Variants in RHPN2 observed in about 807,000 individuals in gnomAD.
The protein encoded by RHPN2 is rhophilin-2.
RHPN2 carries 40 observed loss-of-function variants against 79.0 expected under a neutral mutation model. The ratio of observed to expected loss-of-function variants is 0.51; its 90% CI spans 0.39 to 0.66. RHPN2 has a LOEUF of 0.66. Among genes scored for constraint, RHPN2 ranks in the 30% least tolerant of loss-of-function variants. The pLI, the probability that RHPN2 is intolerant of heterozygous loss-of-function variation, is 0.00. For synonymous variants in RHPN2, 285 were observed against 363.5 expected, an observed-to-expected ratio of 0.78 and a Z score of 2.46; for missense variants, 686 against 883.5, an observed-to-expected ratio of 0.78 and a Z score of 2.83.
intron 3 of RHPN2, among the ~76,000 whole-genome samples, chr19:33,023,876 C>T (rs558528345): frequency 1.2e-4 from 18 of 152,260 alleles, no homozygotes; most frequent in Admixed American, 2.6e-4. Flanking sequence ...TCCCTCTTCC[C>T]AATGACACAG....
intron 3 of RHPN2, among the ~76,000 whole-genome samples, chr19:33,023,784 C>CT (rs1971944383): frequency 9.0e-6 from 1 of 110,578 alleles, no homozygotes; most frequent in African/African-American, 3.1e-5. Context: ...GACTCCATCT[C>CT]AAAAAAAAAA....
Position 33,008,056 on chromosome 19 carries a change from C to T in RHPN2, c.718G>A (p.Ala240Thr). ...IGTRCDRQTQ[A>T]GLESAIDAFQ... ...GCATCTATGGCACTCTCCAGCCCAG[C>T]CTGCGTCTGCCGATCACACCGGGTC... Residue 240 changes from alanine to threonine, a missense_variant, in exon 7 of 15, where the codon GCT becomes ACT. Physicochemically the swap from Ala to Thr is moderately conservative, Grantham distance 58. Transcript: ENST00000254260. The T allele has an allele frequency of 6.2e-7, 1 of 1,613,262 alleles. No individual in the cohort carries two copies. The highest frequency in any genetic ancestry group is 8.5e-7 in the Non-Finnish European group (1 of 1,179,978).
chr19:33,064,808 C>T lies in RHPN2; in HGVS notation c.45G>A (p.Lys15=), dbSNP rs1227520515. 7 of 1,425,576 alleles carry T rather than the reference C, an allele frequency of 4.9e-6. No individual in the cohort carries two copies. The highest frequency in any genetic ancestry group is 6.5e-6 in the Non-Finnish European group (7 of 1,081,748). The allele number at this position is 1,425,576 out of a possible 1,614,324, so 88.3% of individuals were successfully genotyped here. A position where few individuals can be genotyped will look rare whatever the true frequency, so the allele number is the denominator to read the frequency against. The change falls in exon 1 of 15, where the codon AAG becomes AAA. Residue 15 remains lysine, a synonymous_variant. Transcript: ENST00000254260. ...CCTTCCGAAAGTAGCCGTCGTTCTC[C>T]TTCTCCAGCGGCTGGGGGGCCGCGG... ...LLPAAPQPLE[K]ENDGYFRKGC... is the part of the protein sequence containing the mutation.
chr19:33,034,419 C>T (rs1972038279), intron 2 of RHPN2, among the ~76,000 whole-genome samples: 1 of 151,924 alleles, frequency 6.6e-6, no homozygotes, highest in African/African-American at 2.4e-5. Context: ...TCCTGGCTAA[C>T]ACAGTGAAAC....
chr19:33,045,076 G>C (rs1021777231), intron 1 of RHPN2, among the ~76,000 whole-genome samples: 2 of 135,432 alleles, frequency 1.5e-5, no homozygotes, highest in Non-Finnish European at 3.0e-5. Context: ...TTTTGGAGAT[G>C]GAGTCTCGCT....
At position 33,002,228 on chromosome 19, in the gene RHPN2, C is replaced by T. The variant is rs577537772; in HGVS notation, c.1105+19G>A. On this transcript the variant is annotated intron_variant, in intron 9 of 14. Transcript: ENST00000254260. ...TGGACCACAGCCCTCGCCAAACTCC[C>T]GAACCCCCCAGGCCTTACCCTGGTG... The T allele has an allele frequency of 5.0e-6, 8 of 1,611,110 alleles. No homozygotes were observed. In the African/African-American group the frequency reaches 6.7e-5, roughly 13 times the overall value.
Position 32,991,912 on chromosome 19 carries a change from A to G in RHPN2, c.1555T>C (p.Phe519Leu). 1 of 1,613,980 alleles carries G rather than the reference A, an allele frequency of 6.2e-7. No individual in the cohort carries two copies. Among genetic ancestry groups the G allele is most frequent in the South Asian group, 1.1e-5 (1 of 91,078 alleles). ...CCCAAGTCCCCTTCTTCTGCAGTGA[A>G]GCGGATGCTTCGAGGAGGCGTCCAC... ...KRWTPPRSIR[F>L]TAEEGDLGFT... Residue 519 changes from phenylalanine (F) to leucine (L), a missense_variant, in exon 13 of 15, where the codon TTC (phenylalanine) becomes CTC (leucine). Phe to Leu is a conservative substitution (Grantham distance 22, BLOSUM62 0). Coordinates refer to ENST00000254260, the MANE Select transcript of RHPN2 (RefSeq NM_033103.5).
At chr19:33,032,570 A>C (rs1972021914) in intron 2 of RHPN2, among the ~76,000 whole-genome samples, 1 of 152,180 alleles carries the variant, frequency 6.6e-6, no homozygotes, top group Non-Finnish European at 1.5e-5. Flanking sequence ...GAACACAGGA[A>C]CAGGACAAAG....
At chr19:33,028,561 A>G (rs1568320312) in intron 2 of RHPN2, among the ~76,000 whole-genome samples, 1 of 152,224 alleles carries the variant, frequency 6.6e-6, no homozygotes, top group South Asian at 2.1e-4. Flanking sequence ...AAACAAAAGA[A>G]TCACAAGACA....
chr19:32,986,968 T>C (rs7256012), intron 14 of RHPN2, among the ~76,000 whole-genome samples: 119,876 of 151,404 alleles, frequency 0.79, 48,423 homozygotes, highest in African/African-American at 0.95. Flanking sequence ...CCCAACCTCC[T>C]TGGGCTCAAG....
intron 14 of RHPN2, among the ~76,000 whole-genome samples, chr19:32,986,533 CG>C: frequency 6.6e-6 from 1 of 152,210 alleles, no homozygotes; most frequent in South Asian, 2.1e-4. Flanking sequence ...AGGTGGCTCA[CG>C]CCTGTAATCC....
At chr19:33,041,895 C>T (rs1427713321) in intron 2 of RHPN2, among the ~76,000 whole-genome samples, 1 of 152,160 alleles carries the variant, frequency 6.6e-6, no homozygotes, top group Non-Finnish European at 1.5e-5. Context: ...TTAACAGGTG[C>T]TCAATAGCCA....
At chr19:33,037,882 T>G (rs1417587440) in intron 2 of RHPN2, among the ~76,000 whole-genome samples, 14 of 150,898 alleles carry the variant, frequency 9.3e-5, no homozygotes, top group Non-Finnish European at 1.9e-4. Flanking sequence ...CTACACTCAG[T>G]GTGGGCAACA....
chr19:33,013,198 AAAACAAAAAAC>A (rs555271126), intron 4 of RHPN2, among the ~76,000 whole-genome samples: 29,959 of 145,372 alleles, frequency 0.21, 3,103 homozygotes, highest in Middle Eastern at 0.31. Context: ...TAAAAAAACA[AAAACAAAAAAC>A]AAAAAACAGA....
rs566725494 is a variant in RHPN2 at position 32,983,252 on chromosome 19, C to A, written c.1801-2996G>T. 1.7e-3 allele frequency among the ~76,000 whole-genome samples: 255 copies of A among 152,196 alleles called. 2 individuals are homozygous for A. Among genetic ancestry groups the A allele is most frequent in the African/African-American group, 5.8e-3 (240 of 41,518 alleles). ...TCTTGGCGGGGCGTGGTGGCTCACGCCTGTAATCCCAGCACTTTGGGAGGC... is the reference window on the plus strand; with the variant it reads ...TCTTGGCGGGGCGTGGTGGCTCACGACTGTAATCCCAGCACTTTGGGAGGC... On this transcript the variant is annotated intron_variant, in intron 14 of 14. Coordinates refer to ENST00000254260, the MANE Select transcript of RHPN2 (RefSeq NM_033103.5).
At chr19:33,004,103 A>G (rs1392878199) in intron 7 of RHPN2, among the ~76,000 whole-genome samples, 16 of 152,188 alleles carry the variant, frequency 1.1e-4, no homozygotes, top group Admixed American at 7.2e-4. Flanking sequence ...CGGTGGCACA[A>G]TCATGGCTCA....
At chr19:32,982,017 G>C (rs1971579108) in intron 14 of RHPN2, among the ~76,000 whole-genome samples, 1 of 152,046 alleles carries the variant, frequency 6.6e-6, no homozygotes. Flanking sequence ...AGATTGTTTA[G>C]TTCGCCACAT....
Position 32,979,861 on chromosome 19 carries a change from T to G in RHPN2, c.*135A>C. On this transcript the variant is annotated 3_prime_UTR_variant, in exon 15 of 15. Coordinates refer to ENST00000254260, the MANE Select transcript of RHPN2 (RefSeq NM_033103.5). ...GGTTACTTTCCTTCATAAAAACACA[T>G]CAAATGTGAGTTTACACTATGAGAA... The G allele has an allele frequency of 8.8e-7, 1 of 1,131,914 alleles. No homozygotes were observed. Among genetic ancestry groups the G allele is most frequent in the Non-Finnish European group, 1.3e-6 (1 of 778,278 alleles). The allele number at this position is 1,131,914 out of a possible 1,614,324, so 70.1% of individuals were successfully genotyped here.
chr19:33,059,441 G>T (rs1032992522), intron 1 of RHPN2, among the ~76,000 whole-genome samples: 2 of 151,976 alleles, frequency 1.3e-5, no homozygotes, highest in African/African-American at 4.8e-5. Context: ...TGGGATCACA[G>T]GTGCCCGCCA....
Sources: gnomAD v4.1 joint callset for allele counts (sites outside exome capture counted in the v4.1 genomes callset) on GRCh38, gnomAD v4.1.1 for gene constraint, MANE v1.5 for transcripts, NCBI Gene and HGNC (gene_info 2026-07-23, HGNC 2026-07-21) for gene names.